Variants in UQCRC2 observed in about 807,000 individuals in gnomAD.
UQCRC2 encodes cytochrome b-c1 complex subunit 2, mitochondrial.
In UQCRC2, 49 loss-of-function variants were observed where a neutral mutation model predicts 55.6. The observed-to-expected ratio is 0.88, with a 90% confidence interval of 0.70 to 1.12. The LOEUF (loss-of-function observed/expected upper bound fraction) is 1.12, where lower values mean the gene tolerates loss of function less well. Ranked by LOEUF, UQCRC2 falls within the 50% of genes most tolerant of loss-of-function variation. The probability of loss-of-function intolerance (pLI) is 0.00; values close to 1 mark genes in which losing one functional copy is unlikely to be tolerated. For missense variants in UQCRC2, 506 were observed against 547.8 expected (o/e 0.92, Z 0.76); for synonymous variants, 193 against 192.0 (o/e 1.01, Z -0.04).
At position 21,957,265 on chromosome 16, in the gene UQCRC2, GT is replaced by G; in HGVS notation, c.66del (p.Ala24ProfsTer25). ...TTATTCCCTCAAAGTTGCCCCCAAA[GT>G]TAAAGCCACAGCTGCGCCTGCAGGA... ...RFYSLKVAPK[V>X]KATAAPAGAP... On this transcript the variant is annotated frameshift_variant, in exon 2 of 14. Coordinates refer to ENST00000268379, the MANE Select transcript of UQCRC2 (RefSeq NM_003366.4). LOFTEE classifies it high-confidence loss of function. 1 of 1,613,896 alleles carries G rather than the reference GT, an allele frequency of 6.2e-7. No individual in the cohort carries two copies. The highest frequency in any genetic ancestry group is 1.1e-5 in the South Asian group (1 of 91,082).
At chr16:21,956,812 C>T (rs752354632) in intron 1 of UQCRC2, among the ~76,000 whole-genome samples, 14 of 152,106 alleles carry the variant, frequency 9.2e-5, no homozygotes, top group Non-Finnish European at 1.5e-4. Flanking sequence ...CCTGTAATTC[C>T]AACACTTTGG....
At chr16:21,970,443 A>G (rs1898432300) in intron 8 of UQCRC2, among the ~76,000 whole-genome samples, 2 of 152,156 alleles carry the variant, frequency 1.3e-5, no homozygotes, top group African/African-American at 4.8e-5. Flanking sequence ...CCACATCCTC[A>G]CCAACACTTA....
intron 8 of UQCRC2, 132 bp downstream of exon 8, chr16:21,968,817 A>T (rs759117109): frequency 1.3e-5 from 8 of 630,612 alleles, no homozygotes; most frequent in African/African-American, 3.8e-5. Flanking sequence ...CAGGCAATAT[A>T]TCATAGGATT....
In UQCRC2 at chr16:21,957,538, C is replaced by G. The variant is rs1182831938; in HGVS notation, c.239C>G (p.Thr80Ser). The change falls in exon 3 of 14, where the codon ACC becomes AGC. Residue 80 changes from threonine to serine, a missense_variant. By Grantham distance (58) the Thr-to-Ser change is moderately conservative. Coordinates refer to ENST00000268379, the MANE Select transcript of UQCRC2 (RefSeq NM_003366.4). ...GAGGACTTCAGCAATTTAGGAACCA[C>G]CCATTTGCTGCGTCTTACATCCAGT... ...RYEDFSNLGTTHLLRLTSSLT... is the reference protein window; with the variant it reads ...RYEDFSNLGTSHLLRLTSSLT... 1 of 1,614,030 alleles carries G rather than the reference C, an allele frequency of 6.2e-7. No homozygotes were observed. The highest frequency in any genetic ancestry group is 8.5e-7 in the Non-Finnish European group (1 of 1,180,038).
intron 13 of UQCRC2, among the ~76,000 whole-genome samples, chr16:21,980,996 G>A (rs547049265): frequency 2.8e-4 from 42 of 152,244 alleles, no homozygotes; most frequent in African/African-American, 9.9e-4. Flanking sequence ...TACACCTAAC[G>A]TATCAAACGT....
At chr16:21,960,517 G>T (rs1206140723) in intron 4 of UQCRC2, among the ~76,000 whole-genome samples, 1 of 152,182 alleles carries the variant, frequency 6.6e-6, no homozygotes, top group African/African-American at 2.4e-5. Flanking sequence ...TCATTTATGT[G>T]TTCAGTGGAG....
rs759126109 is a variant in UQCRC2 at position 21,957,268 on chromosome 16, A to G, written c.67A>G (p.Lys23Glu). Residue 23 changes from lysine (K) to glutamate (E), a missense_variant, in exon 2 of 14, where the codon AAA becomes GAA. Transcript: ENST00000268379. ...FYSLKVAPKV[K>E]ATAAPAGAPP... is the part of the protein sequence containing the mutation. ...TTCCCTCAAAGTTGCCCCCAAAGTT[A>G]AAGCCACAGCTGCGCCTGCAGGAGC... is the stretch of plus-strand genomic sequence containing the variant. 6.2e-7 allele frequency: 1 copy of G among 1,613,970 alleles called. No homozygotes were observed. The highest frequency in any genetic ancestry group is 8.5e-7 in the Non-Finnish European group (1 of 1,179,930).
chr16:21,971,662 G>A (rs766334618), intron 9 of UQCRC2, 42 bp downstream of exon 9: 32 of 1,584,170 alleles, frequency 2.0e-5, no homozygotes, highest in South Asian at 3.3e-5. Flanking sequence ...TCAGAAGGGC[G>A]TTTCCCCACT....
chr16:21,957,172 A>C, intron 1 of UQCRC2, 63 bp from the exon 2 acceptor site: 1 of 1,524,932 alleles, frequency 6.6e-7, no homozygotes, highest in South Asian at 1.2e-5. Flanking sequence ...CTAAGATACC[A>C]TGCTTTTATA....
At chr16:21,960,570 G>T (rs1898176784) in intron 4 of UQCRC2, among the ~76,000 whole-genome samples, 1 of 152,184 alleles carries the variant, frequency 6.6e-6, no homozygotes, top group African/African-American at 2.4e-5. Context: ...GGTGCAAGAG[G>T]CCTAGCTTTT....
chr16:21,955,911 C>T (rs180771020), intron 1 of UQCRC2, among the ~76,000 whole-genome samples: 85 of 152,260 alleles, frequency 5.6e-4, no homozygotes, highest in Admixed American at 1.4e-3. Context: ...CTGCAACCTC[C>T]GCCTCCCGGA....
intron 11 of UQCRC2, among the ~76,000 whole-genome samples, chr16:21,974,336 T>C (rs1042049981): frequency 6.6e-6 from 1 of 152,138 alleles, no homozygotes; most frequent in African/African-American, 2.4e-5. Flanking sequence ...TGTGAATGAT[T>C]GTAGGAAAAG....
chr16:21,953,738 C>T (rs1898049537), intron 1 of UQCRC2, among the ~76,000 whole-genome samples: 1 of 152,110 alleles, frequency 6.6e-6, no homozygotes, highest in Non-Finnish European at 1.5e-5. Context: ...CACTCCGGTA[C>T]TCAAGTGCTG....
chr16:21,962,717 T>A lies in UQCRC2; in HGVS notation c.390-44T>A, dbSNP rs150510731. ...GCTATGTAGAATCTCAAATGTTGGC[T>A]TTACATTTTTGACTCATAATTCTTA... On this transcript the variant is annotated intron_variant, in intron 5 of 13. Coordinates refer to ENST00000268379, the MANE Select transcript of UQCRC2 (RefSeq NM_003366.4). 3.7e-6 allele frequency: 6 copies of A among 1,612,390 alleles called. No individual in the cohort carries two copies. The East Asian group carries it at 1.1e-4, about 30-fold the overall frequency.
chr16:21,972,161 A>G, intron 10 of UQCRC2, 39 bp downstream of exon 10: 1 of 1,576,992 alleles, frequency 6.3e-7, no homozygotes, highest in Non-Finnish European at 8.6e-7. Context: ...TTTGCTTTCA[A>G]AGGCTCAGTA....
Position 21,972,068 on chromosome 16 carries a change from C to T in UQCRC2, c.912C>T (p.Asn304=). 4 of 1,614,096 alleles carry T rather than the reference C, an allele frequency of 2.5e-6. No individual in the cohort carries two copies. Among genetic ancestry groups the T allele is most frequent in the Non-Finnish European group, 2.5e-6 (3 of 1,180,002 alleles). The change falls in exon 10 of 14, where the codon AAC becomes AAT. Residue 304 remains asparagine, a synonymous_variant. Coordinates refer to ENST00000268379, the MANE Select transcript of UQCRC2 (RefSeq NM_003366.4). ...GAGPHVKRGS[N]TTSHLHQAVA... The stretch of plus-strand genomic sequence containing the variant: ...GGCCACATGTCAAGAGGGGCAGCAA[C>T]ACCACCAGCCATCTGCACCAGGCTG...
chr16:21,955,464 A>G (rs939696002), intron 1 of UQCRC2, among the ~76,000 whole-genome samples: 5 of 152,214 alleles, frequency 3.3e-5, no homozygotes, highest in Admixed American at 3.3e-4. Flanking sequence ...TCTTGGGAGC[A>G]CCAAATTTTA....
intron 12 of UQCRC2, among the ~76,000 whole-genome samples, chr16:21,978,744 G>A (rs1898645830): frequency 6.6e-6 from 1 of 152,152 alleles, no homozygotes; most frequent in Non-Finnish European, 1.5e-5. Flanking sequence ...ATAGAATGGA[G>A]GCCATTAGCA....
At chr16:21,978,542 T>C (rs1898639988) in intron 12 of UQCRC2, among the ~76,000 whole-genome samples, 1 of 152,178 alleles carries the variant, frequency 6.6e-6, no homozygotes, top group Non-Finnish European at 1.5e-5. Context: ...TCATACCCTA[T>C]GCTCACAGAC....
Sources: gnomAD v4.1 joint callset for allele counts (sites outside exome capture counted in the v4.1 genomes callset) on GRCh38, gnomAD v4.1.1 for gene constraint, MANE v1.5 for transcripts, NCBI Gene and HGNC (gene_info 2026-07-23, HGNC 2026-07-21) for gene names.